VPS41: variants seen among roughly 807,000 people sequenced by gnomAD.
VPS41 encodes VPS41 subunit of HOPS complex.
Under a neutral mutation model 130.9 loss-of-function variants are expected in VPS41, and 85 were observed. The observed-to-expected ratio is 0.65, with a 90% CI of 0.55 to 0.78. The LOEUF is 0.78. Ranked by LOEUF, VPS41 falls within the 30% of genes least tolerant of loss-of-function variation. The pLI is 0.00. For synonymous variants in VPS41, 335 were observed against 332.9 expected (o/e 1.01, Z -0.07); for missense variants, 874 against 1,018.7 (o/e 0.86, Z 1.93).
chr7:38,827,854 A>G (rs963307035), intron 5 of VPS41, among the ~76,000 whole-genome samples: 1 of 152,252 alleles, frequency 6.6e-6, no homozygotes, highest in African/African-American at 2.4e-5. Flanking sequence ...ATGGATCAAA[A>G]GGACTGACGG....
At chr7:38,811,913 A>G (rs922043029) in intron 7 of VPS41, among the ~76,000 whole-genome samples, 1 of 152,106 alleles carries the variant, frequency 6.6e-6, no homozygotes, top group African/African-American at 2.4e-5. Flanking sequence ...GTCTTCAATA[A>G]ATTACATTAT....
chr7:38,755,866 C>T (rs1783779242), intron 19 of VPS41, among the ~76,000 whole-genome samples: 1 of 152,150 alleles, frequency 6.6e-6, no homozygotes, highest in South Asian at 2.1e-4. Flanking sequence ...ATCTCATCCT[C>T]TGCCAGACAA....
chr7:38,861,284 A>C (rs1273610666), intron 4 of VPS41, among the ~76,000 whole-genome samples: 1 of 152,180 alleles, frequency 6.6e-6, no homozygotes. Context: ...GGAGTAGGAA[A>C]TGTAAGAAAC....
intron 6 of VPS41, among the ~76,000 whole-genome samples, chr7:38,818,797 C>T (rs73115628): frequency 0.06 from 9,135 of 152,262 alleles, 284 homozygotes; most frequent in Middle Eastern, 0.082. Context: ...CACACAAAAT[C>T]TCACACAATT....
intron 2 of VPS41, among the ~76,000 whole-genome samples, chr7:38,887,477 G>GA (rs1246113654): frequency 3.9e-5 from 6 of 152,098 alleles, no homozygotes. Flanking sequence ...CAAGATTAGA[G>GA]AAAAAAGAGT....
intron 10 of VPS41, among the ~76,000 whole-genome samples, chr7:38,780,858 C>A (rs1784343618): frequency 6.6e-6 from 1 of 152,124 alleles, no homozygotes; most frequent in South Asian, 2.1e-4. Flanking sequence ...GCACAATCCT[C>A]TTGGTACTGT....
At chr7:38,757,929 G>GAGTC (rs984229874) in intron 18 of VPS41, among the ~76,000 whole-genome samples, 1 of 152,174 alleles carries the variant, frequency 6.6e-6, no homozygotes, top group Non-Finnish European at 1.5e-5. Flanking sequence ...CAGGGTCAGG[G>GAGTC]AGTCCTCTAT....
intron 4 of VPS41, among the ~76,000 whole-genome samples, chr7:38,839,454 G>A (rs1368536520): frequency 6.6e-6 from 1 of 151,930 alleles, no homozygotes; most frequent in Non-Finnish European, 1.5e-5. Context: ...ACAGAGTCTC[G>A]CTCTGTCGCA....
chr7:38,848,838 A>G (rs947340890), intron 4 of VPS41, among the ~76,000 whole-genome samples: 3 of 152,254 alleles, frequency 2.0e-5, no homozygotes, highest in South Asian at 2.1e-4. Flanking sequence ...TCTAATCATT[A>G]TATCACCACT....
intron 5 of VPS41, 89 bp from the exon 6 acceptor site, chr7:38,821,354 A>G (rs1554293364): frequency 3.4e-6 from 3 of 879,124 alleles, no homozygotes; most frequent in Non-Finnish European, 5.5e-6. Context: ...CAATAAGAAA[A>G]GTAGAATATT....
chr7:38,806,968 T>C (rs1296222657), intron 7 of VPS41, among the ~76,000 whole-genome samples: 1 of 152,234 alleles, frequency 6.6e-6, no homozygotes, highest in Non-Finnish European at 1.5e-5. Context: ...TCCATAATCA[T>C]GTCTGAATGC....
intron 13 of VPS41, among the ~76,000 whole-genome samples, chr7:38,771,853 C>A (rs1003639340): frequency 6.6e-6 from 1 of 151,968 alleles, no homozygotes; most frequent in African/African-American, 2.4e-5. Context: ...GGGTTATGAA[C>A]TAGGTATCGA....
intron 2 of VPS41, among the ~76,000 whole-genome samples, chr7:38,885,647 T>C (rs1786709661): frequency 6.6e-6 from 1 of 152,206 alleles, no homozygotes; most frequent in Non-Finnish European, 1.5e-5. Context: ...GGACTCAGCA[T>C]AACATGAGGC....
At position 38,780,413 on chromosome 7, in the gene VPS41, C is replaced by A. The variant is rs370519524; in HGVS notation, c.785-3637G>T. ...CCTGATGGAGGTGGAAGGACTTCTGCATTCTGCTTTATTCAGGAGGATAAA... is the reference window on the plus strand; with the variant it reads ...CCTGATGGAGGTGGAAGGACTTCTGAATTCTGCTTTATTCAGGAGGATAAA... On this transcript the variant is annotated intron_variant, in intron 10 of 28. Coordinates refer to ENST00000310301, the MANE Select transcript of VPS41 (RefSeq NM_014396.4). Among the ~76,000 whole-genome samples the A allele has an allele frequency of 5.0e-4, 62 of 125,212 alleles. No individual in the cohort carries two copies. In the East Asian group the frequency reaches 8.5e-3, roughly 17 times the overall value. The allele number at this position is 125,212 out of a possible 152,430, so 82.1% of individuals were successfully genotyped here.
chr7:38,770,392 G>C (rs6961672), intron 14 of VPS41, among the ~76,000 whole-genome samples: 47,731 of 151,122 alleles, frequency 0.32, 7,881 homozygotes, highest in Middle Eastern at 0.45. Flanking sequence ...TCCATTTCTA[G>C]AGAATCCTTG....
chr7:38,747,820 C>A (rs1796016580), intron 22 of VPS41, among the ~76,000 whole-genome samples: 1 of 152,144 alleles, frequency 6.6e-6, no homozygotes. Flanking sequence ...AAAACATTTC[C>A]ATTGCTGTAG....
intron 4 of VPS41, among the ~76,000 whole-genome samples, chr7:38,832,997 T>C (rs1785422399): frequency 6.6e-6 from 1 of 152,178 alleles, no homozygotes; most frequent in Admixed American, 6.5e-5. Context: ...TGGAAAGGGC[T>C]CTTCCTGATG....
At position 38,772,471 on chromosome 7, in the gene VPS41, C is replaced by T. The variant is rs1212631288; in HGVS notation, c.1128+51G>A. On this transcript the variant is annotated intron_variant, in intron 13 of 28. Transcript: ENST00000310301. ...ATTACAAAAACATTTTATCTTCTCT[C>T]TCTATGCTGTAGATGAGTCAATACT... is the stretch of plus-strand genomic sequence containing the variant. 5 of 1,253,328 alleles carry T rather than the reference C, an allele frequency of 4.0e-6. No individual in the cohort carries two copies. In the Admixed American group the frequency reaches 5.7e-5, roughly 14 times the overall value. 77.6% of individuals were successfully genotyped at this position (1,253,328 alleles called of 1,614,324 possible). A position where few individuals can be genotyped will look rare whatever the true frequency, so the allele number is the denominator to read the frequency against.
At chr7:38,784,840 A>C (rs1784411474) in intron 10 of VPS41, among the ~76,000 whole-genome samples, 1 of 152,188 alleles carries the variant, frequency 6.6e-6, no homozygotes, top group Non-Finnish European at 1.5e-5. Context: ...TGCAGTACAC[A>C]GAACTTGCAC....
Sources: allele counts gnomAD v4.1 joint callset (sites outside exome capture counted in the v4.1 genomes callset), GRCh38; gene constraint gnomAD v4.1.1; transcripts MANE v1.5; gene names NCBI Gene and HGNC (gene_info 2026-07-23, HGNC 2026-07-21).